Variants in SHISA6 observed in about 807,000 individuals in gnomAD.
SHISA6 encodes the protein protein shisa-6.
Under a neutral mutation model 47.9 loss-of-function variants are expected in SHISA6, and 22 were observed. The ratio of observed to expected loss-of-function variants is 0.46; its 90% CI spans 0.33 to 0.66. The LOEUF is 0.66. SHISA6 is among the 30% of genes least tolerant of loss of function. The pLI, the probability that SHISA6 is intolerant of heterozygous loss-of-function variation, is 0.02. For synonymous variants in SHISA6, 388 were observed against 337.8 expected (o/e 1.15, Z -1.63); for missense variants, 680 against 764.6 (o/e 0.89, Z 1.30).
chr17:11,415,593 C>T (rs1018511242), intron 3 of SHISA6, among the ~76,000 whole-genome samples: 3 of 152,064 alleles, frequency 2.0e-5, no homozygotes, highest in Non-Finnish European at 4.4e-5. Context: ...TTAAGCCAGA[C>T]GATTATTGAT....
intron 3 of SHISA6, among the ~76,000 whole-genome samples, chr17:11,456,796 T>C (rs1300381703): frequency 6.6e-6 from 1 of 152,124 alleles, no homozygotes; most frequent in African/African-American, 2.4e-5. Flanking sequence ...TATAAGAACC[T>C]GTCAAGCAAG....
At chr17:11,313,295 T>C (rs2142188672) in intron 2 of SHISA6, among the ~76,000 whole-genome samples, 1 of 152,352 alleles carries the variant, frequency 6.6e-6, no homozygotes, top group East Asian at 1.9e-4. Flanking sequence ...AGTTTGCTTT[T>C]CTTTTCATGT....
chr17:11,264,950 C>A (rs1292187632), intron 2 of SHISA6, among the ~76,000 whole-genome samples: 1 of 152,108 alleles, frequency 6.6e-6, no homozygotes, highest in Admixed American at 6.5e-5. Flanking sequence ...TAGATTCATC[C>A]AAAGTTAAAA....
intron 3 of SHISA6, among the ~76,000 whole-genome samples, chr17:11,490,137 T>C (rs1916438197): frequency 6.6e-6 from 1 of 152,028 alleles, no homozygotes; most frequent in African/African-American, 2.4e-5. Flanking sequence ...CCTCTCCAGG[T>C]CTTCCCATGA....
intron 3 of SHISA6, among the ~76,000 whole-genome samples, chr17:11,479,488 A>G (rs1289835174): frequency 2.0e-5 from 3 of 152,126 alleles, no homozygotes; most frequent in African/African-American, 7.2e-5. Context: ...GAGGGAGAGC[A>G]TTAGGACAAA....
At chr17:11,447,245 G>A (rs1476232690) in intron 3 of SHISA6, among the ~76,000 whole-genome samples, 1 of 152,196 alleles carries the variant, frequency 6.6e-6, no homozygotes. Context: ...TCCGAGGAGG[G>A]AAGGTAAGAA....
intron 2 of SHISA6, among the ~76,000 whole-genome samples, chr17:11,343,948 C>T (rs1911615934): frequency 1.3e-5 from 2 of 152,178 alleles, no homozygotes; most frequent in South Asian, 4.1e-4. Flanking sequence ...CTTGGCCTCT[C>T]AAAGTGCTGG....
At chr17:11,342,095 G>C (rs1911551021) in intron 2 of SHISA6, among the ~76,000 whole-genome samples, 1 of 152,096 alleles carries the variant, frequency 6.6e-6, no homozygotes, top group African/African-American at 2.4e-5. Flanking sequence ...TATCTCTGCT[G>C]AAATGGAGCG....
chr17:11,385,676 G>A (rs1913167086), intron 3 of SHISA6, among the ~76,000 whole-genome samples: 1 of 152,076 alleles, frequency 6.6e-6, no homozygotes, highest in African/African-American at 2.4e-5. Flanking sequence ...TATTAGCTAG[G>A]GAGTGAGTCG....
chr17:11,457,724 G>C (rs1368471675), intron 3 of SHISA6, among the ~76,000 whole-genome samples: 1 of 132,308 alleles, frequency 7.6e-6, no homozygotes, highest in East Asian at 2.3e-4. Flanking sequence ...CTGGGTGACA[G>C]AGTGAGACTC....
At chr17:11,500,607 GA>G (rs559142001) in intron 3 of SHISA6, among the ~76,000 whole-genome samples, 148 of 152,340 alleles carry the variant, frequency 9.7e-4, no homozygotes, top group Non-Finnish European at 1.7e-3. Flanking sequence ...AAAAGGCCAA[GA>G]TACATCCATA....
At chr17:11,458,566 C>A (rs1457092977) in intron 3 of SHISA6, among the ~76,000 whole-genome samples, 1 of 152,102 alleles carries the variant, frequency 6.6e-6, no homozygotes. Context: ...TGGAGGAGAC[C>A]AAACTATGGA....
intron 2 of SHISA6, chr17:11,289,885 A>G (rs1256842328): frequency 6.6e-6 from 1 of 152,118 alleles, no homozygotes; most frequent in Non-Finnish European, 1.5e-5. Context: ...CAGTTAGTGT[A>G]CAAATTAGTG....
intron 3 of SHISA6, among the ~76,000 whole-genome samples, chr17:11,401,814 T>C (rs57477085): frequency 0.046 from 7,080 of 152,276 alleles, 503 homozygotes; most frequent in African/African-American, 0.15. Flanking sequence ...CCTCCCTTGT[T>C]GACACAATCA....
intron 2 of SHISA6, among the ~76,000 whole-genome samples, chr17:11,379,115 T>G (rs2064925792): frequency 6.7e-6 from 1 of 148,678 alleles, no homozygotes; most frequent in Non-Finnish European, 1.5e-5. Context: ...TGTGTATATA[T>G]ACTAATATAC....
At chr17:11,293,508 C>A (rs537297468) in intron 2 of SHISA6, among the ~76,000 whole-genome samples, 1 of 152,264 alleles carries the variant, frequency 6.6e-6, no homozygotes, top group Non-Finnish European at 1.5e-5. Context: ...GAGCATGGAT[C>A]AGGAAACTTG....
intron 2 of SHISA6, among the ~76,000 whole-genome samples, chr17:11,336,310 G>A (rs1395457683): frequency 6.6e-6 from 1 of 152,018 alleles, no homozygotes; most frequent in Non-Finnish European, 1.5e-5. Flanking sequence ...AGACACTTTT[G>A]TCAGAATAGT....
intron 3 of SHISA6, among the ~76,000 whole-genome samples, chr17:11,484,780 A>C (rs927367635): frequency 5.9e-5 from 9 of 152,218 alleles, no homozygotes; most frequent in African/African-American, 2.2e-4. Context: ...CAAAATCAAC[A>C]TTATAAAAAC....
rs2111134 is a variant in SHISA6 at position 11,520,775 on chromosome 17, G to C, written c.896-31121G>C. On this transcript the variant is annotated intron_variant, in intron 3 of 5. Coordinates refer to ENST00000441885, the MANE Select transcript of SHISA6 (RefSeq NM_207386.4). ...TCTGCATAAATATCACTTCCTCAGA[G>C]AAAACTACCTCGATCACCCTAATAG... Among the ~76,000 whole-genome samples the C allele has an allele frequency of 5.7e-3, 867 of 152,208 alleles. 6 individuals carry two copies. The highest frequency in any genetic ancestry group is 0.02 in the African/African-American group (813 of 41,536).
Sources: gnomAD v4.1 joint callset for allele counts (sites outside exome capture counted in the v4.1 genomes callset) on GRCh38, gnomAD v4.1.1 for gene constraint, MANE v1.5 for transcripts, NCBI Gene and HGNC (gene_info 2026-07-23, HGNC 2026-07-21) for gene names.